The following SATB1 variants were observed in gnomAD, a reference collection of about 807,000 sequenced individuals.
SATB1 encodes SATB homeobox 1.
SATB1 carries 11 observed loss-of-function variants against 86.9 expected under a neutral mutation model. The observed-to-expected ratio is 0.13, with a 90% CI of 0.08 to 0.21. The LOEUF is 0.21. Ranked by LOEUF, SATB1 falls within the 10% of genes least tolerant of loss-of-function variation. SATB1 has a pLI of 1.00. For missense variants in SATB1, 551 were observed against 937.6 expected (o/e 0.59, Z 5.39); for synonymous variants, 357 against 357.2 (o/e 1.00, Z 0.01).
Position 18,431,864 on chromosome 3 carries a change from G to A in SATB1, c.-25+4925C>T, listed in dbSNP as rs182155205. 7.9e-5 allele frequency among the ~76,000 whole-genome samples: 12 copies of A among 152,310 alleles called. No homozygotes were observed. In the East Asian group the frequency reaches 2.3e-3, roughly 29 times the overall value. ...TTTGGCAAATAAATACATGCTATTTGAGGAACCATAATAAACTAGCATTTG... is the reference window on the plus strand; with the variant it reads ...TTTGGCAAATAAATACATGCTATTTAAGGAACCATAATAAACTAGCATTTG... On this transcript the variant is annotated intron_variant, in intron 2 of 3. Transcript: ENST00000414509.
At chr3:18,437,765 G>T (rs1363400513) in intron 1 of SATB1, among the ~76,000 whole-genome samples, 1 of 152,074 alleles carries the variant, frequency 6.6e-6, no homozygotes, top group Non-Finnish European at 1.5e-5. Context: ...CCATTAAACA[G>T]TACATCTAAG....
chr3:18,418,150 C>T (rs1010710591), intron 2 of SATB1, among the ~76,000 whole-genome samples: 2 of 152,128 alleles, frequency 1.3e-5, no homozygotes, highest in African/African-American at 4.8e-5. Context: ...GTTACTTTAA[C>T]AGGGCACCCA....
At chr3:18,412,448 A>AT (rs1477477481) in intron 5 of SATB1, among the ~76,000 whole-genome samples, 1 of 152,010 alleles carries the variant, frequency 6.6e-6, no homozygotes, top group East Asian at 1.9e-4. Context: ...TAACTATAAT[A>AT]TTTAGGGCCC....
At chr3:18,373,963 C>T (rs538163477) in intron 9 of SATB1, among the ~76,000 whole-genome samples, 3 of 152,088 alleles carry the variant, frequency 2.0e-5, no homozygotes, top group East Asian at 3.9e-4. Flanking sequence ...GAATTTTCAC[C>T]AGCTAGTTGC....
In SATB1 at chr3:18,444,765, T is replaced by A; in HGVS notation, c.-25+753A>T. 1 of 458,726 alleles carries A rather than the reference T, an allele frequency of 2.2e-6. No homozygotes were observed. The highest frequency in any genetic ancestry group is 2.9e-6 in the Non-Finnish European group (1 of 349,950). 28.4% of individuals were successfully genotyped at this position (458,726 alleles called of 1,614,324 possible). A position where few individuals can be genotyped will look rare whatever the true frequency, so the allele number is the denominator to read the frequency against. ...CCGGAGCTGCGGCTGCCGCGGAAGT[T>A]AATTGCAACTTGACTTCAAGTTGTC... On this transcript the variant is annotated intron_variant, in intron 1 of 3. Coordinates refer to the SATB1 transcript ENST00000415069. This position sits in a 1 kb window ranked among gnomAD's most constrained non-coding sequence, Gnocchi z 5.1.
In SATB1 at chr3:18,348,871, A is replaced by AT. The variant is rs760030629; in HGVS notation, c.*298_*299insA. On this transcript the variant is annotated 3_prime_UTR_variant, in exon 11 of 11. Transcript: ENST00000338745. ...CTCCGGAATAAGAACTAAAAAAAAA[A>AT]CAAAAAACACTGGTTTCATGCTTAC... The AT allele has an allele frequency of 1.9e-4, 65 of 339,444 alleles. No individual in the cohort carries two copies. The highest frequency in any genetic ancestry group is 3.6e-4 in the Admixed American group (8 of 22,194). 21.0% of individuals were successfully genotyped at this position (339,444 alleles called of 1,614,324 possible).
chr3:18,377,418 CTAAG>C (rs768520288), intron 9 of SATB1, among the ~76,000 whole-genome samples: 3 of 152,114 alleles, frequency 2.0e-5, no homozygotes, highest in Non-Finnish European at 4.4e-5. Context: ...TTATAGATAA[CTAAG>C]TTTGTTCATA....
At chr3:18,402,678 G>A (rs1164782833) in intron 5 of SATB1, among the ~76,000 whole-genome samples, 1 of 152,010 alleles carries the variant, frequency 6.6e-6, no homozygotes, top group African/African-American at 2.4e-5. Flanking sequence ...CTACATGCTT[G>A]CGTTTTTTGC....
chr3:18,380,314 C>T (rs982619074), intron 8 of SATB1, among the ~76,000 whole-genome samples: 5 of 152,000 alleles, frequency 3.3e-5, no homozygotes, highest in African/African-American at 9.7e-5. Flanking sequence ...GTTGGTGTTT[C>T]GATCTGTTTT....
chr3:18,391,446 T>C (rs967989304), intron 7 of SATB1, among the ~76,000 whole-genome samples: 1 of 151,796 alleles, frequency 6.6e-6, no homozygotes, highest in African/African-American at 2.4e-5. Flanking sequence ...GTTACATATG[T>C]ATACATGTGC....
intron 1 of SATB1, chr3:18,445,288 A>AGCC (rs1553629859): frequency 8.8e-4 from 868 of 982,134 alleles, no homozygotes; most frequent in Middle Eastern, 1.6e-3. Context: ...GCCGAGCCCG[A>AGCC]GCCGCCGCCG....
chr3:18,385,747 T>C (rs1244070959), intron 8 of SATB1, among the ~76,000 whole-genome samples: 6 of 152,172 alleles, frequency 3.9e-5, no homozygotes, highest in Non-Finnish European at 7.3e-5. Context: ...AGTTATGAGG[T>C]TACTTTTAAA....
chr3:18,444,546 G>A lies in SATB1; in HGVS notation c.-25+972C>T. 1.0e-6 allele frequency: 1 copy of A among 976,056 alleles called. No homozygotes were observed. Among genetic ancestry groups the A allele is most frequent in the Non-Finnish European group, 1.2e-6 (1 of 821,530 alleles). The allele number at this position is 976,056 out of a possible 1,614,324, so 60.5% of individuals were successfully genotyped here. On this transcript the variant is annotated intron_variant, in intron 1 of 3. Coordinates refer to the SATB1 transcript ENST00000415069. The surrounding 1 kb of genome is among the most constrained non-coding windows in gnomAD (Gnocchi z 5.1). ...GTTTGGATTGATTCCGGAAAAAGAG[G>A]GACAGAGATAAAACAGCAAGAGTAG...
intron 9 of SATB1, among the ~76,000 whole-genome samples, chr3:18,377,899 T>C (rs1211849395): frequency 6.6e-6 from 1 of 152,212 alleles, no homozygotes; most frequent in Non-Finnish European, 1.5e-5. Context: ...AGAAACTGAC[T>C]ATCCATTATG....
intron 5 of SATB1, chr3:18,414,890 A>G (rs546886923): frequency 1.5e-4 from 72 of 473,680 alleles, no homozygotes; most frequent in Admixed American, 3.7e-4. Flanking sequence ...TTTTTCCTGT[A>G]AACAGTCCTT....
rs115435385 is a variant in SATB1, at chr3:18,412,438, T to C, written c.639+2673A>G. Among the ~76,000 whole-genome samples, 540 of 152,190 alleles carry C rather than the reference T, an allele frequency of 3.5e-3. 3 individuals are homozygous for C. The highest frequency in any genetic ancestry group is 0.012 in the African/African-American group (490 of 41,550). On this transcript the variant is annotated intron_variant, in intron 5 of 10. Transcript: ENST00000338745. The stretch of plus-strand genomic sequence containing the variant: ...CCTGCCCACAGGGTGAACTTTCTAC[T>C]AACTATAATATTTAGGGCCCCTGTA...
chr3:18,420,791 G>C lies in SATB1; in HGVS notation c.177C>G (p.His59Gln). 4 of 1,614,072 alleles carry C rather than the reference G, an allele frequency of 2.5e-6. No homozygotes were observed. Among genetic ancestry groups the C allele is most frequent in the Non-Finnish European group, 3.4e-6 (4 of 1,180,008 alleles). Residue 59 changes from histidine to glutamine, a missense_variant, in exon 2 of 11, where the codon CAC becomes CAG. Physicochemically the swap from His to Gln is conservative, Grantham distance 24 (BLOSUM62 0). Coordinates refer to ENST00000338745, the MANE Select transcript of SATB1 (RefSeq NM_002971.6). ...GGTTGGTTTTCATCAGATGGCCCGAGTGTTTTAAAGGCACTCCCTGCATTT... is the reference window on the plus strand; with the variant it reads ...GGTTGGTTTTCATCAGATGGCCCGACTGTTTTAAAGGCACTCCCTGCATTT... ...GAKMQGVPLKHSGHLMKTNLR... is the reference protein window; with the variant it reads ...GAKMQGVPLKQSGHLMKTNLR...
At chr3:18,367,743 T>C (rs1695257133) in intron 9 of SATB1, among the ~76,000 whole-genome samples, 1 of 152,216 alleles carries the variant, frequency 6.6e-6, no homozygotes, top group South Asian at 2.1e-4. Context: ...CCCTCTCTTT[T>C]CTGTTCCCTT....
At chr3:18,366,216 A>G (rs1473643454) in intron 9 of SATB1, among the ~76,000 whole-genome samples, 3 of 151,836 alleles carry the variant, frequency 2.0e-5, no homozygotes, top group African/African-American at 7.3e-5. Flanking sequence ...ACAGGTACCA[A>G]TTTATAAACT....
Sources: allele counts gnomAD v4.1 joint callset (sites outside exome capture counted in the v4.1 genomes callset), GRCh38; gene constraint gnomAD v4.1.1; non-coding constraint Gnocchi (gnomAD v3.1); transcripts MANE v1.5; gene names NCBI Gene and HGNC (gene_info 2026-07-23, HGNC 2026-07-21).